SH3GL2: variants seen among roughly 807,000 people sequenced by gnomAD.
SH3GL2 encodes the protein endophilin-A1.
In SH3GL2, 24 loss-of-function variants were observed where a neutral mutation model predicts 46.0. That is an observed-to-expected ratio of 0.52 (90% confidence interval 0.38 to 0.73). SH3GL2 has a LOEUF of 0.73. SH3GL2 is among the 30% of genes least tolerant of loss of function. The pLI, the probability that SH3GL2 is intolerant of heterozygous loss-of-function variation, is 0.00. For missense variants in SH3GL2, 413 were observed against 424.2 expected, an observed-to-expected ratio of 0.97 and a Z score of 0.23; for synonymous variants, 196 against 147.1, an observed-to-expected ratio of 1.33 and a Z score of -2.40.
At chr9:17,672,740 C>T (rs904130937) in intron 1 of SH3GL2, among the ~76,000 whole-genome samples, 17 of 152,146 alleles carry the variant, frequency 1.1e-4, no homozygotes, top group African/African-American at 4.1e-4. Flanking sequence ...TAACTAACTT[C>T]TAGACCTCTC....
chr9:17,718,040 T>G (rs1821802968), intron 1 of SH3GL2, among the ~76,000 whole-genome samples: 1 of 152,164 alleles, frequency 6.6e-6, no homozygotes, highest in Non-Finnish European at 1.5e-5. Flanking sequence ...AGACAACTTG[T>G]ACCCAGTGAA....
chr9:17,753,836 T>A (rs1365177406), intron 2 of SH3GL2, among the ~76,000 whole-genome samples: 2 of 152,200 alleles, frequency 1.3e-5, no homozygotes. Flanking sequence ...CTTTAATCCA[T>A]CTTGAGTTAA....
At chr9:17,665,844 C>G (rs1015683526) in intron 1 of SH3GL2, among the ~76,000 whole-genome samples, 10 of 149,426 alleles carry the variant, frequency 6.7e-5, no homozygotes, top group African/African-American at 2.2e-4. Flanking sequence ...AAAATACACA[C>G]AAATAAATAT....
intron 7 of SH3GL2, among the ~76,000 whole-genome samples, chr9:17,793,047 A>G (rs556188375): frequency 6.6e-6 from 1 of 152,336 alleles, no homozygotes; most frequent in East Asian, 1.9e-4. Context: ...TTTGTGTACA[A>G]GAACTGTGTT....
At chr9:17,583,502 A>C (rs78169069) in intron 1 of SH3GL2, among the ~76,000 whole-genome samples, 1 of 152,212 alleles carries the variant, frequency 6.6e-6, no homozygotes, top group Non-Finnish European at 1.5e-5. Context: ...GCCAGGCACA[A>C]ATCTGTTAGT....
chr9:17,636,209 G>C lies in SH3GL2; in HGVS notation c.45+56922G>C, dbSNP rs80000263. On this transcript the variant is annotated intron_variant, in intron 1 of 8. Transcript: ENST00000380607. ...ATCTAGCATGGGATAACCGTGGATT[G>C]AAAAGCACCAAGTGCATCTTATGAA... Among the ~76,000 whole-genome samples, 1,270 of 152,248 alleles carry C rather than the reference G, an allele frequency of 8.3e-3. 12 individuals carry two copies. Among genetic ancestry groups the C allele is most frequent in the Middle Eastern group, 0.017 (5 of 294 alleles).
At chr9:17,670,741 T>G (rs1563805444) in intron 1 of SH3GL2, among the ~76,000 whole-genome samples, 1 of 152,242 alleles carries the variant, frequency 6.6e-6, no homozygotes, top group African/African-American at 2.4e-5. Flanking sequence ...TTATTCTTTT[T>G]AAGAAACTAA....
At chr9:17,585,802 A>T (rs1029831834) in intron 1 of SH3GL2, among the ~76,000 whole-genome samples, 3 of 152,180 alleles carry the variant, frequency 2.0e-5, no homozygotes, top group African/African-American at 7.2e-5. Context: ...GCACCTGGTT[A>T]CCTGGGTGGG....
intron 6 of SH3GL2, chr9:17,790,485 A>G (rs534536336): frequency 2.3e-6 from 2 of 878,420 alleles, no homozygotes; most frequent in Non-Finnish European, 2.7e-6. Context: ...TTGTTTATGT[A>G]AAACAACTTG....
At chr9:17,702,639 A>G (rs1821366851) in intron 1 of SH3GL2, among the ~76,000 whole-genome samples, 1 of 152,122 alleles carries the variant, frequency 6.6e-6, no homozygotes, top group African/African-American at 2.4e-5. Context: ...GTGAATATAA[A>G]AGAGTCCTTT....
chr9:17,614,099 G>T (rs375877538), intron 1 of SH3GL2, among the ~76,000 whole-genome samples: 1 of 151,872 alleles, frequency 6.6e-6, no homozygotes, highest in South Asian at 2.1e-4. Flanking sequence ...TTTTCAACTT[G>T]AGGGGACATG....
intron 3 of SH3GL2, among the ~76,000 whole-genome samples, chr9:17,773,844 G>C (rs540586163): frequency 3.2e-4 from 48 of 152,160 alleles, no homozygotes; most frequent in African/African-American, 1.1e-3. Flanking sequence ...ATGTTACTGA[G>C]ACTTTGATAG....
intron 1 of SH3GL2, among the ~76,000 whole-genome samples, chr9:17,716,341 A>T (rs373861630): frequency 6.6e-6 from 1 of 152,116 alleles, no homozygotes; most frequent in East Asian, 1.9e-4. Flanking sequence ...TCTGGGACAC[A>T]GCGAAATTAC....
At chr9:17,583,590 T>C (rs1429039379) in intron 1 of SH3GL2, among the ~76,000 whole-genome samples, 3 of 152,214 alleles carry the variant, frequency 2.0e-5, no homozygotes, top group African/African-American at 7.2e-5. Context: ...GTCTAAGATA[T>C]TTTGTTAGTA....
At chr9:17,748,631 T>C (rs1822758417) in intron 2 of SH3GL2, among the ~76,000 whole-genome samples, 1 of 152,184 alleles carries the variant, frequency 6.6e-6, no homozygotes, top group South Asian at 2.1e-4. Context: ...AGTTTATTGA[T>C]GAATTCAATA....
At chr9:17,639,701 A>C (rs1056853655) in intron 1 of SH3GL2, among the ~76,000 whole-genome samples, 3 of 152,220 alleles carry the variant, frequency 2.0e-5, no homozygotes, top group African/African-American at 7.2e-5. Context: ...CTTTATGTGA[A>C]TATTCATGGC....
chr9:17,769,655 C>G (rs887064669), intron 3 of SH3GL2, among the ~76,000 whole-genome samples: 1 of 152,072 alleles, frequency 6.6e-6, no homozygotes, highest in African/African-American at 2.4e-5. Flanking sequence ...TGCCCCGACC[C>G]CTATTGAAAA....
intron 1 of SH3GL2, among the ~76,000 whole-genome samples, chr9:17,741,981 G>A (rs1245758231): frequency 6.6e-6 from 1 of 152,084 alleles, no homozygotes; most frequent in African/African-American, 2.4e-5. Flanking sequence ...ATAGTTTCAG[G>A]TACAAAGCAA....
intron 1 of SH3GL2, among the ~76,000 whole-genome samples, chr9:17,738,401 G>C (rs112205655): frequency 1.4e-5 from 2 of 143,138 alleles, no homozygotes; most frequent in South Asian, 4.6e-4. Context: ...TAGTACTGCA[G>C]CAGGTAGAAA....
Sources: allele counts gnomAD v4.1 joint callset (sites outside exome capture counted in the v4.1 genomes callset), GRCh38; gene constraint gnomAD v4.1.1; transcripts MANE v1.5; gene names NCBI Gene and HGNC (gene_info 2026-07-23, HGNC 2026-07-21).